Variants in CLASP2 observed in about 807,000 individuals in gnomAD.
CLASP2 encodes cytoplasmic linker associated protein 2, also known as CLIP-associating protein 2.
Under a neutral mutation model 194.4 loss-of-function variants are expected in CLASP2, and 47 were observed. The ratio of observed to expected loss-of-function variants is 0.24; its 90% confidence interval spans 0.19 to 0.31. The LOEUF is 0.31. Ranked by LOEUF, CLASP2 falls within the 10% of genes least tolerant of loss-of-function variation. CLASP2 has a pLI of 1.00. For synonymous variants in CLASP2, 619 were observed against 633.5 expected (o/e 0.98, Z 0.34); for missense variants, 1,445 against 1,823.6 (o/e 0.79, Z 3.78).
chr3:33,511,226 G>C (rs1364072387), intron 36 of CLASP2, among the ~76,000 whole-genome samples: 1 of 151,904 alleles, frequency 6.6e-6, no homozygotes, highest in African/African-American at 2.4e-5. Flanking sequence ...TTTTAGTAGA[G>C]ATAAGGTCTT....
chr3:33,571,622 T>C (rs1432092385), intron 25 of CLASP2, among the ~76,000 whole-genome samples: 3 of 150,002 alleles, frequency 2.0e-5, no homozygotes, highest in Admixed American at 6.6e-5. Context: ...GCGACAGGGT[T>C]AGACTCTGTC....
At chr3:33,613,701 C>T (rs112618018) in intron 12 of CLASP2, among the ~76,000 whole-genome samples, 1 of 152,178 alleles carries the variant, frequency 6.6e-6, no homozygotes, top group Non-Finnish European at 1.5e-5. Context: ...ACTCTGTGGA[C>T]CTGCTCCCTA....
intron 21 of CLASP2, among the ~76,000 whole-genome samples, chr3:33,585,909 T>C (rs2154218960): frequency 6.6e-6 from 1 of 152,332 alleles, no homozygotes; most frequent in South Asian, 2.1e-4. Flanking sequence ...TTTCTCTGAA[T>C]GGTACAGCAA....
At position 33,603,006 on chromosome 3, in the gene CLASP2, G is replaced by A; in HGVS notation, c.1870C>T (p.Arg624Ter). 6.2e-7 allele frequency: 1 copy of A among 1,610,186 alleles called. No homozygotes were observed. Among genetic ancestry groups the A allele is most frequent in the Non-Finnish European group, 8.5e-7 (1 of 1,178,142 alleles). Residue 624 changes from arginine (R) to a stop codon, truncating the protein, a stop_gained, in exon 18 of 39, where the codon CGA becomes TGA. Transcript: ENST00000682230. LOFTEE classifies it high-confidence loss of function. ...GCACCTGCACCTAAGCGCCCGCTTC[G>A]CACAGACTGTCCAGCAGCATGATGT... The part of the protein sequence containing the change: ...KAHHAAGQSV[R>*]SGRLGAGALN...
chr3:33,644,905 T>G lies in CLASP2; in HGVS notation c.716-2A>C. 6.3e-7 allele frequency: 1 copy of G among 1,588,486 alleles called. No individual in the cohort carries two copies. The highest frequency in any genetic ancestry group is 8.6e-7 in the Non-Finnish European group (1 of 1,165,846). The stretch of plus-strand genomic sequence containing the variant: ...ATTCTTCATCATCGAAGCTTTTATC[T>G]GCACAAAGCATCAGAAAAATGTATT... On this transcript the variant is annotated splice_acceptor_variant, in intron 7 of 38. Transcript: ENST00000682230. LOFTEE classifies it high-confidence loss of function.
intron 34 of CLASP2, among the ~76,000 whole-genome samples, chr3:33,533,757 C>T (rs545828324): frequency 6.6e-6 from 1 of 152,192 alleles, no homozygotes; most frequent in Admixed American, 6.5e-5. Context: ...CTCTGTTGCC[C>T]AGGTTGGAGT....
chr3:33,714,446 C>A lies in CLASP2; in HGVS notation c.195+3362G>T, dbSNP rs1036021371. ...AAAACTAAACTTTTTACATCCGTCA[C>A]CCAATTTATTTGTTCTTCTCTCAGT... On this transcript the variant is annotated intron_variant, in intron 1 of 38. Transcript: ENST00000682230. Among the ~76,000 whole-genome samples the A allele has an allele frequency of 2.6e-5, 4 of 152,278 alleles. No homozygotes were observed. In the South Asian group the frequency reaches 8.3e-4, roughly 32 times the overall value.
At chr3:33,604,028 T>G in intron 17 of CLASP2, 126 bp downstream of exon 17, 1 of 681,646 alleles carries the variant, frequency 1.5e-6, no homozygotes, top group Non-Finnish European at 2.6e-6. Context: ...ACAGGTACAG[T>G]GCATATGTGT....
intron 35 of CLASP2, 26 bp downstream of exon 35, chr3:33,516,955 T>G (rs1436329060): frequency 1.9e-6 from 3 of 1,585,314 alleles, no homozygotes; most frequent in Admixed American, 3.4e-5. Flanking sequence ...AAGGAAAGGC[T>G]ACTGTTTACA....
chr3:33,717,720 G>C (rs1367437588), intron 1 of CLASP2, 88 bp downstream of exon 1: 7 of 1,400,516 alleles, frequency 5.0e-6, no homozygotes, highest in Admixed American at 2.0e-5. Context: ...TGGTTCGGAC[G>C]GGAGCTTTCC....
intron 2 of CLASP2, among the ~76,000 whole-genome samples, chr3:33,696,353 CTTTT>C (rs962854814): frequency 1.7e-4 from 9 of 52,736 alleles, no homozygotes; most frequent in Admixed American, 5.7e-4. Flanking sequence ...TTCTTTCTTT[CTTTT>C]TTTTTTTTTT....
chr3:33,597,756 C>CTTT (rs558732745), intron 18 of CLASP2, among the ~76,000 whole-genome samples: 5 of 137,766 alleles, frequency 3.6e-5, no homozygotes, highest in East Asian at 2.1e-4. Flanking sequence ...TCTTTTCTTT[C>CTTT]TTTTTTTTTT....
At chr3:33,652,540 A>C (rs1489029356) in intron 7 of CLASP2, among the ~76,000 whole-genome samples, 2 of 152,118 alleles carry the variant, frequency 1.3e-5, no homozygotes, top group African/African-American at 4.8e-5. Context: ...CCCAACAATT[A>C]AATGTTGAAT....
intron 34 of CLASP2, among the ~76,000 whole-genome samples, chr3:33,526,718 A>T (rs993080132): frequency 6.6e-6 from 1 of 152,236 alleles, no homozygotes; most frequent in East Asian, 1.9e-4. Context: ...AAAATTGCCC[A>T]CATAATTGGA....
intron 16 of CLASP2, among the ~76,000 whole-genome samples, chr3:33,606,046 G>A (rs1312954840): frequency 2.0e-5 from 3 of 152,054 alleles, no homozygotes; most frequent in African/African-American, 7.2e-5. Flanking sequence ...AATCTCATAG[G>A]GCTAGAGAGA....
At chr3:33,674,451 G>A (rs909956039) in intron 6 of CLASP2, among the ~76,000 whole-genome samples, 1 of 149,824 alleles carries the variant, frequency 6.7e-6, no homozygotes, top group Admixed American at 6.6e-5. Context: ...GCAGTGTGTA[G>A]AGGGAAATAT....
rs1560083703 is a variant in CLASP2, at chr3:33,570,805, C to CA, written c.2700-16dup. 1 of 1,564,588 alleles carries CA rather than the reference C, an allele frequency of 6.4e-7. No homozygotes were observed. The highest frequency in any genetic ancestry group is 1.9e-5 in the Admixed American group (1 of 53,974). On this transcript the variant is annotated splice_polypyrimidine_tract_variant and intron_variant, in intron 25 of 38. Coordinates refer to ENST00000682230, the MANE Select transcript of CLASP2 (RefSeq NM_001365631.1). ...GTTCAACTCGACTGCCAAGATAATA[C>CA]AGCGGTTAATTAATATCTTGCTGTA... is the stretch of plus-strand genomic sequence containing the variant.
At chr3:33,607,594 T>C in intron 14 of CLASP2, 133 bp from the exon 15 acceptor site, 3 of 550,002 alleles carry the variant, frequency 5.5e-6, no homozygotes, top group African/African-American at 1.9e-5. Context: ...TAGTGTACAA[T>C]AATAAATCTA....
At chr3:33,623,434 C>G (rs2077448753) in intron 10 of CLASP2, among the ~76,000 whole-genome samples, 1 of 152,096 alleles carries the variant, frequency 6.6e-6, no homozygotes, top group Non-Finnish European at 1.5e-5. Flanking sequence ...CCCCAACTAC[C>G]TTTCTCAGTC....
Sources: gnomAD v4.1 joint callset for allele counts (sites outside exome capture counted in the v4.1 genomes callset) on GRCh38, gnomAD v4.1.1 for gene constraint, MANE v1.5 for transcripts, NCBI Gene and HGNC (gene_info 2026-07-23, HGNC 2026-07-21) for gene names.